Variants in TOM1 observed in about 807,000 individuals in gnomAD.
The protein encoded by TOM1 is target of Myb protein 1.
In TOM1, 38 loss-of-function variants were observed where a neutral mutation model predicts 61.3. The ratio of observed to expected loss-of-function variants is 0.62; its 90% CI spans 0.48 to 0.81. TOM1 has a LOEUF of 0.81. Among genes scored for constraint, TOM1 ranks in the 40% least tolerant of loss-of-function variants. The pLI is 0.00. For missense variants in TOM1, 591 were observed against 659.6 expected, an observed-to-expected ratio of 0.90 and a Z score of 1.14; for synonymous variants, 270 against 268.8, an observed-to-expected ratio of 1.00 and a Z score of -0.04.
intron 9 of TOM1, 184 bp from the exon 10 acceptor site, chr22:35,333,220 C>T (rs1928991423): frequency 1.3e-6 from 1 of 777,060 alleles, no homozygotes; most frequent in African/African-American, 1.7e-5. Context: ...GTCTCCCCAA[C>T]CTCCCAGGGA....
chr22:35,302,189 A>C (rs1925861759), intron 1 of TOM1, among the ~76,000 whole-genome samples: 1 of 152,132 alleles, frequency 6.6e-6, no homozygotes, highest in South Asian at 2.1e-4. Flanking sequence ...GGGATCTTCT[A>C]ACCCAGTGGT....
At chr22:35,331,486 A>G (rs1928840948) in intron 8 of TOM1, 1 of 347,916 alleles carries the variant, frequency 2.9e-6, no homozygotes, top group Non-Finnish European at 5.7e-6. Context: ...CATTGTGCCT[A>G]CCAGCTGGGG....
chr22:35,303,393 G>A (rs1002491396), intron 1 of TOM1, among the ~76,000 whole-genome samples: 2 of 152,074 alleles, frequency 1.3e-5, no homozygotes, highest in Admixed American at 6.5e-5. Context: ...TGCCTCACAG[G>A]GTGGTTGCTG....
chr22:35,307,665 G>A (rs78671239), intron 1 of TOM1, among the ~76,000 whole-genome samples: 1 of 152,186 alleles, frequency 6.6e-6, no homozygotes, highest in Admixed American at 6.5e-5. Context: ...TCCTGCTGGG[G>A]AAGGTAGAGA....
chr22:35,320,547 C>T (rs756778964), intron 2 of TOM1, among the ~76,000 whole-genome samples: 16 of 152,122 alleles, frequency 1.1e-4, no homozygotes, highest in Non-Finnish European at 2.1e-4. Context: ...GCACCCAAGA[C>T]CTTGGTCCAG....
chr22:35,300,052 C>CG, intron 1 of TOM1, 72 bp downstream of exon 1: 1 of 1,521,902 alleles, frequency 6.6e-7, no homozygotes, highest in Non-Finnish European at 8.9e-7. Flanking sequence ...GGGAAGCCTC[C>CG]GGGTGCCTAG....
rs544156300 is a variant in TOM1, at chr22:35,333,672, C to G, written c.1027+175C>G. Among the ~76,000 whole-genome samples, 4 of 152,266 alleles carry G rather than the reference C, an allele frequency of 2.6e-5. No individual in the cohort carries two copies. The South Asian group carries it at 8.3e-4, about 32-fold the overall frequency. Reference sequence around the variant, plus strand: ...AGGTGGGGCACTCGGGGTCACTGCCCCTGGCAGCCCCACAAGTCCTGAGCC... The same window carrying G: ...AGGTGGGGCACTCGGGGTCACTGCCGCTGGCAGCCCCACAAGTCCTGAGCC... On this transcript the variant is annotated intron_variant, in intron 10 of 14. Coordinates refer to ENST00000449058, the MANE Select transcript of TOM1 (RefSeq NM_005488.3).
chr22:35,319,755 C>A (rs1927609692), intron 2 of TOM1, among the ~76,000 whole-genome samples: 1 of 152,216 alleles, frequency 6.6e-6, no homozygotes, highest in African/African-American at 2.4e-5. Flanking sequence ...GACCAGGAGC[C>A]AGGGACGGGC....
chr22:35,299,520 C>A (rs944700783), upstream of TOM1: 1 of 189,832 alleles, frequency 5.3e-6, no homozygotes, highest in African/African-American at 2.4e-5. Context: ...CAGTGAGGTC[C>A]CAAGGACTAA....
chr22:35,342,713 C>T lies in TOM1; in HGVS notation c.1225-3012C>T, dbSNP rs543889421. Among the ~76,000 whole-genome samples, 13 of 151,908 alleles carry T rather than the reference C, an allele frequency of 8.6e-5. No homozygotes were observed. In the South Asian group the frequency reaches 2.5e-3, roughly 29 times the overall value. ...TCTACACCAGCCGCCACATCCACCA[C>T]ACACACCTCCACACACCACACCTCC... On this transcript the variant is annotated intron_variant, in intron 12 of 14. Coordinates refer to ENST00000449058, the MANE Select transcript of TOM1 (RefSeq NM_005488.3).
rs61731679 is a variant in TOM1 at position 35,327,327 on chromosome 22, G to A, written c.705G>A (p.Ser235=). The A allele has an allele frequency of 1.8e-3, 2,950 of 1,614,030 alleles. 51 individuals are homozygous for A. The African/African-American group carries it at 0.035, about 19-fold the overall frequency. Residue 235 remains serine, a synonymous_variant, in exon 7 of 15, where the codon TCG becomes TCA. Coordinates refer to ENST00000449058, the MANE Select transcript of TOM1 (RefSeq NM_005488.3). ...EMVSGNVRVM[S]EMLTELVPTQ... ...TGAGTGGGAACGTGAGGGTGATGTC[G>A]GAGATGCTGACGGAGCTGGTGCCCA...
At chr22:35,332,393 C>A (rs1322008875) in intron 8 of TOM1, among the ~76,000 whole-genome samples, 1 of 152,152 alleles carries the variant, frequency 6.6e-6, no homozygotes, top group Admixed American at 6.5e-5. Context: ...CAGGTGCCTA[C>A]AGATACTAGA....
chr22:35,345,935 C>T (rs1267518766), intron 13 of TOM1, 151 bp downstream of exon 13: 1 of 829,888 alleles, frequency 1.2e-6, no homozygotes, highest in Non-Finnish European at 1.9e-6. Context: ...GCCACCTGCC[C>T]ACCTTGTGTT....
rs770405517 is a variant in TOM1, at chr22:35,323,738, C to A, written c.502-30C>A. On this transcript the variant is annotated intron_variant, in intron 5 of 14. Coordinates refer to ENST00000449058, the MANE Select transcript of TOM1 (RefSeq NM_005488.3). The surrounding 1 kb of genome is among the most constrained non-coding windows in gnomAD (Gnocchi z 4.2). Reference sequence around the variant, plus strand: ...CCTGGGCTCTTGATGTTCCCAGGAGCCCTCACTGATCCTGTTTTCCTCCCA... The same window carrying A: ...CCTGGGCTCTTGATGTTCCCAGGAGACCTCACTGATCCTGTTTTCCTCCCA... The A allele has an allele frequency of 8.1e-6, 13 of 1,600,506 alleles. No homozygotes were observed. The South Asian group carries it at 1.4e-4, about 18-fold the overall frequency.
At chr22:35,332,490 A>C (rs1928921045) in intron 8 of TOM1, among the ~76,000 whole-genome samples, 1 of 152,108 alleles carries the variant, frequency 6.6e-6, no homozygotes, top group African/African-American at 2.4e-5. Flanking sequence ...ACCCCACACT[A>C]AAGTCTTCTC....
chr22:35,299,773 T>TG, upstream of TOM1: 1 of 809,266 alleles, frequency 1.2e-6, no homozygotes, highest in Non-Finnish European at 1.9e-6. Context: ...GGCGGGACCC[T>TG]GGCGTCTCAG....
chr22:35,333,292 T>C (rs1224012070), intron 9 of TOM1, 112 bp from the exon 10 acceptor site: 2 of 1,012,846 alleles, frequency 2.0e-6, no homozygotes, highest in African/African-American at 3.2e-5. Context: ...TCCTAGCTCC[T>C]GGGGCCCTGG....
intron 3 of TOM1, 113 bp downstream of exon 3, chr22:35,322,150 A>C (rs1927850121): frequency 1.0e-6 from 1 of 956,628 alleles, no homozygotes; most frequent in African/African-American, 1.6e-5. Context: ...TGAGAGCTGG[A>C]AAGGTCTGTA....
In TOM1 at chr22:35,346,894, G is replaced by C. The variant is rs762951289; in HGVS notation, c.1285-36G>C. On this transcript the variant is annotated intron_variant, in intron 13 of 14. Coordinates refer to ENST00000449058, the MANE Select transcript of TOM1 (RefSeq NM_005488.3). ...CCCAGGCTGACCGTACTGGGGGCCC[G>C]GCTAACCTCTGCCTCCTTTCCTTCT... 4 of 1,606,894 alleles carry C rather than the reference G, an allele frequency of 2.5e-6. No individual in the cohort carries two copies. In the Admixed American group the frequency reaches 5.0e-5, roughly 20 times the overall value.
Sources: gnomAD v4.1 joint callset for allele counts (sites outside exome capture counted in the v4.1 genomes callset) on GRCh38, gnomAD v4.1.1 for gene constraint, Gnocchi (gnomAD v3.1) non-coding constraint, MANE v1.5 for transcripts, NCBI Gene and HGNC (gene_info 2026-07-23, HGNC 2026-07-21) for gene names.